The following DCC variants were observed in gnomAD, a reference collection of about 807,000 sequenced individuals.
DCC encodes DCC netrin 1 receptor.
Under a neutral mutation model 172.5 loss-of-function variants are expected in DCC, and 58 were observed. The ratio of observed to expected loss-of-function variants is 0.34; its 90% CI spans 0.27 to 0.42. The LOEUF is 0.42. DCC is among the 10% of genes least tolerant of loss of function. The pLI, the probability that DCC is intolerant of heterozygous loss-of-function variation, is 1.00. For missense variants in DCC, 1,740 were observed against 1,791.0 expected (o/e 0.97, Z 0.51); for synonymous variants, 709 against 644.5 (o/e 1.10, Z -1.52).
chr18:52,918,604 G>A (rs986007637), intron 3 of DCC, among the ~76,000 whole-genome samples: 3 of 151,992 alleles, frequency 2.0e-5, no homozygotes, highest in African/African-American at 7.2e-5. Flanking sequence ...TAGAAAATAC[G>A]CAAGAATCCA....
intron 7 of DCC, among the ~76,000 whole-genome samples, chr18:53,150,527 A>T (rs1330850494): frequency 6.6e-6 from 1 of 152,212 alleles, no homozygotes; most frequent in Non-Finnish European, 1.5e-5. Flanking sequence ...TAGGATCACA[A>T]CAACAATAAC....
chr18:52,809,647 T>C (rs762065787), intron 2 of DCC, among the ~76,000 whole-genome samples: 2 of 152,282 alleles, frequency 1.3e-5, no homozygotes, highest in East Asian at 1.9e-4. Context: ...GGGTCTGTGA[T>C]GGCGGCAAAC....
chr18:53,040,117 A>C (rs1207750573), intron 5 of DCC, among the ~76,000 whole-genome samples: 1 of 152,040 alleles, frequency 6.6e-6, no homozygotes, highest in Non-Finnish European at 1.5e-5. Flanking sequence ...AGAAAAAGTC[A>C]AGTGTGAAAA....
intron 2 of DCC, among the ~76,000 whole-genome samples, chr18:52,842,521 T>C (rs1002162839): frequency 1.3e-5 from 2 of 152,186 alleles, no homozygotes. Flanking sequence ...GGGAGGGTCA[T>C]CTGCTCACTC....
chr18:52,737,630 A>G (rs2036750043), intron 1 of DCC, among the ~76,000 whole-genome samples: 1 of 152,156 alleles, frequency 6.6e-6, no homozygotes, highest in Admixed American at 6.5e-5. Flanking sequence ...CACAGTGGGC[A>G]TATCCAGAGG....
chr18:53,461,086 G>T (rs2145170369), intron 24 of DCC, among the ~76,000 whole-genome samples: 1 of 152,312 alleles, frequency 6.6e-6, no homozygotes, highest in Non-Finnish European at 1.5e-5. Flanking sequence ...CTTCTTTTGA[G>T]AAGTGTCTGT....
intron 1 of DCC, among the ~76,000 whole-genome samples, chr18:52,345,110 C>A (rs975045935): frequency 7.2e-5 from 11 of 152,280 alleles, no homozygotes; most frequent in African/African-American, 2.4e-4. Flanking sequence ...GTATTTGCTA[C>A]CCAGCTATAC....
intron 2 of DCC, among the ~76,000 whole-genome samples, chr18:52,903,320 T>C (rs1355245850): frequency 6.6e-6 from 1 of 152,156 alleles, no homozygotes; most frequent in Non-Finnish European, 1.5e-5. Context: ...TCCTCCCACC[T>C]CAGCCTCCCG....
At chr18:52,394,482 G>T (rs1986145403) in intron 1 of DCC, among the ~76,000 whole-genome samples, 1 of 151,432 alleles carries the variant, frequency 6.6e-6, no homozygotes, top group Admixed American at 6.6e-5. Context: ...TTGCTACAGT[G>T]CCTGGCCTGG....
chr18:52,448,509 A>C (rs765056651), intron 1 of DCC, among the ~76,000 whole-genome samples: 5 of 152,176 alleles, frequency 3.3e-5, no homozygotes, highest in Non-Finnish European at 7.3e-5. Flanking sequence ...TTTCAAGGGA[A>C]ATGAGTGCCT....
chr18:53,268,269 A>G (rs1055391249), intron 12 of DCC, among the ~76,000 whole-genome samples: 2 of 152,198 alleles, frequency 1.3e-5, no homozygotes, highest in African/African-American at 2.4e-5. Flanking sequence ...AATGTTAGCA[A>G]TTCAAACTAG....
chr18:53,399,261 A>G (rs913082720), intron 18 of DCC, among the ~76,000 whole-genome samples: 1 of 152,042 alleles, frequency 6.6e-6, no homozygotes, highest in African/African-American at 2.4e-5. Flanking sequence ...TAATTATTTG[A>G]CTCCACCTTT....
rs567594475 is a variant in DCC at position 53,109,695 on chromosome 18, A to C, written c.1261+43529A>C. The stretch of plus-strand genomic sequence containing the variant: ...CTGCTGGGAAGATTTGGTAATGAGA[A>C]GACATTTTTGACTGTCATTAACTGA... On this transcript the variant is annotated intron_variant, in intron 7 of 28. Transcript: ENST00000442544. Among the ~76,000 whole-genome samples, 12 of 151,546 alleles carry C rather than the reference A, an allele frequency of 7.9e-5. No homozygotes were observed. In the East Asian group the frequency reaches 2.2e-3, roughly 27 times the overall value.
At chr18:52,342,761 A>C (rs144265876) in intron 1 of DCC, among the ~76,000 whole-genome samples, 1 of 152,332 alleles carries the variant, frequency 6.6e-6, no homozygotes, top group East Asian at 1.9e-4. Context: ...TGTCAATTAC[A>C]CGACAGTATT....
intron 26 of DCC, among the ~76,000 whole-genome samples, chr18:53,490,843 T>C (rs2045952518): frequency 6.6e-6 from 1 of 152,238 alleles, no homozygotes; most frequent in Non-Finnish European, 1.5e-5. Flanking sequence ...CCAAAAAGCA[T>C]TTATTTTGCT....
intron 1 of DCC, among the ~76,000 whole-genome samples, chr18:52,711,305 G>A (rs765627642): frequency 3.9e-4 from 60 of 152,092 alleles, no homozygotes; most frequent in African/African-American, 9.9e-4. Flanking sequence ...TTGGCTCACC[G>A]CAACCTCTGC....
intron 2 of DCC, chr18:52,816,696 T>C (rs2038305081): frequency 1.3e-5 from 2 of 152,090 alleles, no homozygotes; most frequent in Admixed American, 1.3e-4. Flanking sequence ...ACTCAAAGTA[T>C]ATGGATGGAT....
chr18:53,530,180 G>A, intron 28 of DCC: 1 of 623,588 alleles, frequency 1.6e-6, no homozygotes, highest in Non-Finnish European at 2.9e-6. Context: ...ACATGTTACA[G>A]GAGGCTCAGA....
At chr18:52,578,123 A>T (rs562220321) in intron 1 of DCC, among the ~76,000 whole-genome samples, 4 of 152,328 alleles carry the variant, frequency 2.6e-5, no homozygotes, top group African/African-American at 9.6e-5. Context: ...TTACACATGG[A>T]TGGCAGTATT....
Sources: allele counts gnomAD v4.1 joint callset (sites outside exome capture counted in the v4.1 genomes callset), GRCh38; gene constraint gnomAD v4.1.1; transcripts MANE v1.5; gene names NCBI Gene and HGNC (gene_info 2026-07-23, HGNC 2026-07-21).